The following TXNDC16 variants were observed in gnomAD, a reference collection of about 807,000 sequenced individuals.
The protein encoded by TXNDC16 is thioredoxin domain containing 16.
A neutral mutation model predicts 85.6 loss-of-function variants in TXNDC16; 74 were observed. That is an observed-to-expected ratio of 0.86 (90% CI 0.72 to 1.05). The LOEUF is 1.05. TXNDC16 is among the 50% of genes least tolerant of loss of function. TXNDC16 has a pLI of 0.00. For synonymous variants in TXNDC16, 335 were observed against 326.5 expected (o/e 1.03, Z -0.28); for missense variants, 959 against 947.0 (o/e 1.01, Z -0.17).
chr14:52,521,833 T>C (rs1347502425), intron 6 of TXNDC16, among the ~76,000 whole-genome samples: 1 of 152,226 alleles, frequency 6.6e-6, no homozygotes, highest in Admixed American at 6.5e-5. Flanking sequence ...TGGAACAGTA[T>C]TACACACATA....
chr14:52,480,955 G>GTATATATATA (rs1566550653), intron 14 of TXNDC16, among the ~76,000 whole-genome samples: 3 of 95,080 alleles, frequency 3.2e-5, no homozygotes, highest in Non-Finnish European at 6.7e-5. Context: ...GTGTGTGTGT[G>GTATATATATA]TGTGTGTATA....
chr14:52,539,149 A>T (rs1013706691), intron 4 of TXNDC16, among the ~76,000 whole-genome samples: 1 of 152,178 alleles, frequency 6.6e-6, no homozygotes, highest in Non-Finnish European at 1.5e-5. Flanking sequence ...CAAGTTGAAA[A>T]CTAATTAATA....
At chr14:52,498,871 T>C (rs2036591949) in intron 9 of TXNDC16, among the ~76,000 whole-genome samples, 1 of 152,094 alleles carries the variant, frequency 6.6e-6, no homozygotes, top group South Asian at 2.1e-4. Context: ...CCAGACAATC[T>C]TGAGAAAGAA....
intron 6 of TXNDC16, among the ~76,000 whole-genome samples, chr14:52,532,636 C>A (rs771444683): frequency 6.6e-6 from 1 of 152,042 alleles, no homozygotes; most frequent in Non-Finnish European, 1.5e-5. Context: ...CAGGGTTTCA[C>A]CGTGTTAGCC....
intron 18 of TXNDC16, among the ~76,000 whole-genome samples, chr14:52,441,471 T>C (rs1288048138): frequency 6.6e-6 from 1 of 151,978 alleles, no homozygotes. Context: ...TAGCTGGGTA[T>C]GGTGGTGCCC....
intron 18 of TXNDC16, 105 bp downstream of exon 18, chr14:52,455,219 C>G (rs2140115173): frequency 7.6e-7 from 1 of 1,321,116 alleles, no homozygotes; most frequent in East Asian, 2.4e-5. Flanking sequence ...ACAAATCACC[C>G]TGCCCTGTAC....
intron 20 of TXNDC16, among the ~76,000 whole-genome samples, chr14:52,437,987 G>A (rs1323435042): frequency 6.6e-6 from 1 of 152,196 alleles, no homozygotes; most frequent in African/African-American, 2.4e-5. Context: ...AGTGGAGAAA[G>A]TAGCTGCAGA....
chr14:52,457,079 A>C lies in TXNDC16; in HGVS notation c.1703+11T>G. On this transcript the variant is annotated intron_variant, in intron 17 of 20. Coordinates refer to ENST00000281741, the MANE Select transcript of TXNDC16 (RefSeq NM_020784.3). The stretch of plus-strand genomic sequence containing the variant: ...TCTCCCTCCCTAAAATTAAAAGAGC[A>C]ATAAACTTACAGTAGCAAAACATCT... The C allele has an allele frequency of 1.3e-6, 2 of 1,536,696 alleles. No homozygotes were observed. Among genetic ancestry groups the C allele is most frequent in the Non-Finnish European group, 1.8e-6 (2 of 1,132,082 alleles).
chr14:52,487,490 T>C (rs1430841828), intron 12 of TXNDC16, among the ~76,000 whole-genome samples: 3 of 152,170 alleles, frequency 2.0e-5, no homozygotes, highest in Non-Finnish European at 4.4e-5. Context: ...TTTAGAAATA[T>C]TTATAGACTA....
chr14:52,538,829 G>A (rs2037763732), intron 4 of TXNDC16, among the ~76,000 whole-genome samples: 1 of 152,114 alleles, frequency 6.6e-6, no homozygotes, highest in South Asian at 2.1e-4. Context: ...AGAAGAAGAA[G>A]AACTGGGGAA....
chr14:52,465,157 C>A (rs1284214064), intron 16 of TXNDC16, among the ~76,000 whole-genome samples: 2 of 152,068 alleles, frequency 1.3e-5, no homozygotes, highest in African/African-American at 4.8e-5. Context: ...CTACTATGTG[C>A]AAACATAATG....
chr14:52,509,349 T>C (rs1566568811), intron 9 of TXNDC16, among the ~76,000 whole-genome samples: 2 of 152,062 alleles, frequency 1.3e-5, no homozygotes, highest in Non-Finnish European at 2.9e-5. Context: ...GAGAAGGAAG[T>C]GAACCTGGAG....
intron 9 of TXNDC16, among the ~76,000 whole-genome samples, chr14:52,491,293 C>T (rs112805065): frequency 0.085 from 12,835 of 151,212 alleles, 609 homozygotes; most frequent in East Asian, 0.14. Flanking sequence ...ACAATCCTCC[C>T]ACCTCAGCCT....
intron 1 of TXNDC16, among the ~76,000 whole-genome samples, chr14:52,545,590 G>A (rs900556155): frequency 3.9e-5 from 6 of 152,084 alleles, no homozygotes; most frequent in African/African-American, 1.4e-4. Context: ...AGAAAATAAG[G>A]AAACATGCAG....
chr14:52,466,557 C>T (rs762156931), intron 16 of TXNDC16, among the ~76,000 whole-genome samples: 1 of 151,738 alleles, frequency 6.6e-6, no homozygotes, highest in Non-Finnish European at 1.5e-5. Context: ...AAGAAGCAGA[C>T]ACCATATTTT....
chr14:52,482,897 T>C lies in TXNDC16; in HGVS notation c.1177A>G (p.Thr393Ala). ...AATGTTTCTTCTGTTAGTTCCACTG[T>C]AAGTTCCAAAGGTAATTTTCTCTTC... ...DRKRKLPLEL[T>A]VELTEETFNA... The change falls in exon 13 of 21, where the codon ACA becomes GCA. Residue 393 changes from threonine (T) to alanine (A), a missense_variant. Coordinates refer to ENST00000281741, the MANE Select transcript of TXNDC16 (RefSeq NM_020784.3). 6.2e-7 allele frequency: 1 copy of C among 1,612,378 alleles called. No individual in the cohort carries two copies. The highest frequency in any genetic ancestry group is 2.2e-5 in the East Asian group (1 of 44,778).
intron 9 of TXNDC16, among the ~76,000 whole-genome samples, chr14:52,503,953 T>C (rs985731183): frequency 6.6e-6 from 1 of 151,986 alleles, no homozygotes; most frequent in Admixed American, 6.6e-5. Context: ...GCTGACTCAA[T>C]CAACTGGAAG....
At chr14:52,437,811 A>C (rs1473111175) in intron 20 of TXNDC16, among the ~76,000 whole-genome samples, 2 of 152,208 alleles carry the variant, frequency 1.3e-5, no homozygotes, top group African/African-American at 4.8e-5. Context: ...AGGTCTATGA[A>C]AACAGATATT....
chr14:52,440,671 T>C lies in TXNDC16; in HGVS notation c.1896A>G (p.Leu632=). Reference sequence around the variant, plus strand: ...CAGTGCCATCACTGAACAAAATCAATAATGGTTTCTGAAGTCTGAAATAAC... The same window carrying C: ...CAGTGCCATCACTGAACAAAATCAACAATGGTTTCTGAAGTCTGAAATAAC... ...LPSYFRLQKP[L]LILFSDGTVN... is the part of the protein sequence containing the mutation. The change falls in exon 19 of 21, where the codon TTA becomes TTG. Residue 632 remains leucine, a synonymous_variant. Coordinates refer to ENST00000281741, the MANE Select transcript of TXNDC16 (RefSeq NM_020784.3). 6.2e-7 allele frequency: 1 copy of C among 1,610,012 alleles called. No homozygotes were observed. Among genetic ancestry groups the C allele is most frequent in the Non-Finnish European group, 8.5e-7 (1 of 1,178,960 alleles).
Sources: gnomAD v4.1 joint callset for allele counts (sites outside exome capture counted in the v4.1 genomes callset) on GRCh38, gnomAD v4.1.1 for gene constraint, MANE v1.5 for transcripts, NCBI Gene and HGNC (gene_info 2026-07-23, HGNC 2026-07-21) for gene names.